Variants in PPP2R2B observed in about 807,000 individuals in gnomAD.
PPP2R2B encodes the protein serine/threonine-protein phosphatase 2A 55 kDa regulatory subunit B beta isoform.
PPP2R2B carries 5 observed loss-of-function variants against 46.0 expected under a neutral mutation model. That is an observed-to-expected ratio of 0.11 (90% CI 0.06 to 0.23). The LOEUF (loss-of-function observed/expected upper bound fraction) is 0.23. Ranked by LOEUF, PPP2R2B falls within the 10% of genes least tolerant of loss-of-function variation. The pLI, the probability that PPP2R2B is intolerant of heterozygous loss-of-function variation, is 1.00. For synonymous variants in PPP2R2B, 215 were observed against 206.7 expected (o/e 1.04, Z -0.34); for missense variants, 367 against 575.0 (o/e 0.64, Z 3.70).
intron 1 of PPP2R2B, among the ~76,000 whole-genome samples, chr5:146,985,751 G>A (rs892221573): frequency 6.6e-6 from 1 of 152,160 alleles, no homozygotes; most frequent in Non-Finnish European, 1.5e-5. Flanking sequence ...ACAAGAAAAG[G>A]CATTTAAATA....
chr5:146,681,319 TCTTTA>T (rs1440925789), intron 5 of PPP2R2B, among the ~76,000 whole-genome samples: 1 of 152,180 alleles, frequency 6.6e-6, no homozygotes, highest in African/African-American at 2.4e-5. Context: ...AAAAGTCAGC[TCTTTA>T]CTTTGTTAAC....
At chr5:146,636,871 G>A (rs560276224) in intron 7 of PPP2R2B, among the ~76,000 whole-genome samples, 123 of 152,208 alleles carry the variant, frequency 8.1e-4, no homozygotes, top group Non-Finnish European at 1.3e-3. Context: ...AGTAACTTCA[G>A]AATTTTGCCC....
intron 1 of PPP2R2B, among the ~76,000 whole-genome samples, chr5:146,973,544 A>C (rs183074543): frequency 6.6e-6 from 1 of 152,220 alleles, no homozygotes; most frequent in Non-Finnish European, 1.5e-5. Flanking sequence ...TAGTGGCATT[A>C]CTTTAAATCT....
intron 2 of PPP2R2B, among the ~76,000 whole-genome samples, chr5:146,823,854 C>G (rs1034804398): frequency 6.6e-6 from 1 of 152,078 alleles, no homozygotes; most frequent in African/African-American, 2.4e-5. Context: ...TGCCTCATTT[C>G]AAGTTAATTT....
At chr5:146,951,956 A>G (rs1751632357) in intron 1 of PPP2R2B, among the ~76,000 whole-genome samples, 1 of 151,372 alleles carries the variant, frequency 6.6e-6, no homozygotes, top group Non-Finnish European at 1.5e-5. Flanking sequence ...ACAATGGTTG[A>G]ACTAATTTAC....
chr5:147,057,329 A>G (rs1757120274), upstream of PPP2R2B, among the ~76,000 whole-genome samples: 1 of 152,184 alleles, frequency 6.6e-6, no homozygotes, highest in African/African-American at 2.4e-5. Flanking sequence ...GGTGCTGTTT[A>G]AACAGTGCCT....
intron 2 of PPP2R2B, among the ~76,000 whole-genome samples, chr5:146,797,447 A>G (rs1041582672): frequency 6.6e-6 from 1 of 152,186 alleles, no homozygotes; most frequent in African/African-American, 2.4e-5. Context: ...TTTCAAACCA[A>G]CTTGCCTGCT....
At chr5:146,945,218 C>T (rs1764443216) in intron 1 of PPP2R2B, among the ~76,000 whole-genome samples, 2 of 152,204 alleles carry the variant, frequency 1.3e-5, no homozygotes, top group South Asian at 4.1e-4. Context: ...GCAACTATTA[C>T]CAAACAGGGT....
At chr5:146,924,775 C>T (rs886291382) in intron 1 of PPP2R2B, among the ~76,000 whole-genome samples, 1 of 152,088 alleles carries the variant, frequency 6.6e-6, no homozygotes, top group Non-Finnish European at 1.5e-5. Flanking sequence ...TTATTTCCCT[C>T]TTTACTAAAA....
intron 2 of PPP2R2B, among the ~76,000 whole-genome samples, chr5:146,844,630 T>C (rs112412348): frequency 9.2e-5 from 14 of 152,330 alleles, no homozygotes; most frequent in African/African-American, 3.1e-4. Flanking sequence ...AAAACAAATT[T>C]AAGATTCCAT....
At position 147,000,676 on chromosome 5, in the gene PPP2R2B, CA is replaced by C. The variant is rs1452333518; in HGVS notation, c.79+54988del. ...ATTGTGGATTTGCCATTTTTAATGG[CA>C]AAAACCACAATTACTTTTGCACCAA... is the stretch of plus-strand genomic sequence containing the variant. On this transcript the variant is annotated intron_variant, in intron 1 of 8. Coordinates refer to the PPP2R2B transcript ENST00000336640. 2.0e-3 allele frequency among the ~76,000 whole-genome samples: 158 copies of C among 78,494 alleles called. 3 individuals carry two copies. In the East Asian group the frequency reaches 0.062, roughly 31 times the overall value. 51.5% of individuals were successfully genotyped at this position (78,494 alleles called of 152,430 possible).
chr5:146,842,169 A>G (rs1200238263), intron 2 of PPP2R2B, among the ~76,000 whole-genome samples: 1 of 152,106 alleles, frequency 6.6e-6, no homozygotes, highest in Non-Finnish European at 1.5e-5. Flanking sequence ...GTTCACTCCA[A>G]CCTTTACCTT....
chr5:146,938,760 T>TTC (rs1479243233), intron 1 of PPP2R2B, among the ~76,000 whole-genome samples: 2 of 124,450 alleles, frequency 1.6e-5, no homozygotes, highest in Non-Finnish European at 3.3e-5. Flanking sequence ...CCTTTTTTTT[T>TTC]TTTTTTTTTT....
chr5:147,065,426 T>G (rs1359322583), intron 2 of PPP2R2B, among the ~76,000 whole-genome samples: 1 of 151,842 alleles, frequency 6.6e-6, no homozygotes, highest in Non-Finnish European at 1.5e-5. Context: ...GAATGGTGAG[T>G]GAGGCTGGGG....
chr5:146,664,420 CTT>C (rs1479726293), intron 5 of PPP2R2B, among the ~76,000 whole-genome samples: 1 of 152,104 alleles, frequency 6.6e-6, no homozygotes, highest in Non-Finnish European at 1.5e-5. Context: ...ATAAACCACT[CTT>C]TGCTTATCCA....
At chr5:146,864,004 G>A (rs1173863869) in intron 2 of PPP2R2B, among the ~76,000 whole-genome samples, 1 of 152,150 alleles carries the variant, frequency 6.6e-6, no homozygotes, top group Admixed American at 6.5e-5. Flanking sequence ...CCTTGGAACA[G>A]CGATTTTAGA....
chr5:146,902,969 C>A (rs1225792880), intron 1 of PPP2R2B, among the ~76,000 whole-genome samples: 1 of 152,196 alleles, frequency 6.6e-6, no homozygotes, highest in Non-Finnish European at 1.5e-5. Context: ...ATGTTATTTG[C>A]TTTTGTAACT....
At chr5:146,692,520 T>C (rs1285898843) in intron 4 of PPP2R2B, among the ~76,000 whole-genome samples, 1 of 150,402 alleles carries the variant, frequency 6.6e-6, no homozygotes, top group Non-Finnish European at 1.5e-5. Flanking sequence ...TGCAGGCTTT[T>C]AATTCAATTT....
At chr5:147,000,897 G>T (rs1407508328) in intron 1 of PPP2R2B, among the ~76,000 whole-genome samples, 2 of 152,050 alleles carry the variant, frequency 1.3e-5, no homozygotes, top group East Asian at 3.9e-4. Context: ...GTTTCTTCAA[G>T]GCAGCATATT....
Sources: gnomAD v4.1 joint callset for allele counts (sites outside exome capture counted in the v4.1 genomes callset) on GRCh38, gnomAD v4.1.1 for gene constraint, MANE v1.5 for transcripts, NCBI Gene and HGNC (gene_info 2026-07-23, HGNC 2026-07-21) for gene names.